APOL1: variants seen among roughly 807,000 people sequenced by gnomAD.
APOL1 encodes apolipoprotein L 1.
APOL1 carries 17 observed loss-of-function variants against 14.9 expected under a neutral mutation model. The observed-to-expected ratio is 1.14, with a 90% CI of 0.78 to 1.71. APOL1 has a LOEUF of 1.71. Ranked by LOEUF, APOL1 falls within the 40% of genes most tolerant of loss-of-function variation. The pLI is 0.00. For synonymous variants in APOL1, 195 were observed against 184.8 expected (o/e 1.05, Z -0.45); for missense variants, 523 against 485.9 (o/e 1.08, Z -0.72).
In APOL1 at chr22:36,257,426, C is replaced by G. The variant is rs1346312201; in HGVS notation, c.187+19C>G. ...GACCCAGGTAGGCTCACCTCCTCTT[C>G]CCTGCTGGTTCCTACTCGCACTTAG... On this transcript the variant is annotated intron_variant, in intron 4 of 5. Coordinates refer to ENST00000397278, the MANE Select transcript of APOL1 (RefSeq NM_003661.4). 1 of 1,606,586 alleles carries G rather than the reference C, an allele frequency of 6.2e-7. No homozygotes were observed. Among genetic ancestry groups the G allele is most frequent in the Non-Finnish European group, 8.5e-7 (1 of 1,173,348 alleles).
chr22:36,265,678 A>G lies in APOL1; in HGVS notation c.842A>G (p.Lys281Arg). ...TACCAACTCACACGAGGCATTGGGA[A>G]GGACATCCGTGCCCTCAGACGAGCC... ...NTYQLTRGIG[K>R]DIRALRRARA... Residue 281 changes from lysine (K) to arginine (R), a missense_variant, in exon 6 of 6, where the codon AAG (lysine) becomes AGG (arginine). Transcript: ENST00000397278. The G allele has an allele frequency of 3.1e-6, 5 of 1,605,302 alleles. No homozygotes were observed. The highest frequency in any genetic ancestry group is 4.3e-6 in the Non-Finnish European group (5 of 1,175,042).
At chr22:36,257,959 G>T (rs2015946378) in intron 4 of APOL1, among the ~76,000 whole-genome samples, 2 of 152,200 alleles carry the variant, frequency 1.3e-5, no homozygotes, top group South Asian at 4.1e-4. Flanking sequence ...CATCCCCTCT[G>T]TGTGACCTGG....
At position 36,266,567 on chromosome 22, in the gene APOL1, G is replaced by A. The variant is rs2016267953; in HGVS notation, c.*534G>A. 7.5e-6 allele frequency: 3 copies of A among 399,224 alleles called. No individual in the cohort carries two copies. Among genetic ancestry groups the A allele is most frequent in the East Asian group, 3.6e-5 (1 of 28,102 alleles). 24.7% of individuals were successfully genotyped at this position (399,224 alleles called of 1,614,324 possible). On this transcript the variant is annotated 3_prime_UTR_variant, in exon 6 of 6. Transcript: ENST00000397278. Reference sequence around the variant, plus strand: ...CTGCAATAAGGGAAAAATGGGAACTGGAGAGTGTGGGGAATGGGAAGAAGC... The same window carrying A: ...CTGCAATAAGGGAAAAATGGGAACTAGAGAGTGTGGGGAATGGGAAGAAGC...
At chr22:36,259,898 A>G in intron 4 of APOL1, 1 of 1,301,516 alleles carries the variant, frequency 7.7e-7, no homozygotes, top group Non-Finnish European at 1.0e-6. Flanking sequence ...CATTATTTTT[A>G]AACTTTAAAT....
At chr22:36,255,330 C>T (rs989400543) in intron 2 of APOL1, among the ~76,000 whole-genome samples, 6 of 152,284 alleles carry the variant, frequency 3.9e-5, no homozygotes, top group South Asian at 2.1e-4. Flanking sequence ...CCCTCCTGCT[C>T]CTCTGCTCTC....
intron 1 of APOL1, chr22:36,253,883 T>C (rs1338818333): frequency 1.3e-6 from 2 of 1,555,128 alleles, no homozygotes; most frequent in Non-Finnish European, 1.8e-6. Context: ...GTGTCCCTAA[T>C]GGGAAACGTG....
chr22:36,265,266 T>A lies in APOL1; in HGVS notation c.430T>A (p.Phe144Ile). ...GTACAGAAACTGGTTTCTGAAAGAGTTTCCTCGGTTGAAAAGTGAGCTTGA... is the reference window on the plus strand; with the variant it reads ...GTACAGAAACTGGTTTCTGAAAGAGATTCCTCGGTTGAAAAGTGAGCTTGA... ...QQYRNWFLKE[F>I]PRLKSELEDN... The change falls in exon 6 of 6, where the codon TTT becomes ATT. Residue 144 changes from phenylalanine (F) to isoleucine (I), a missense_variant. By Grantham distance (21) the Phe-to-Ile change is conservative. Coordinates refer to ENST00000397278, the MANE Select transcript of APOL1 (RefSeq NM_003661.4). The A allele has an allele frequency of 1.2e-6, 2 of 1,613,994 alleles. No individual in the cohort carries two copies. Among genetic ancestry groups the A allele is most frequent in the Non-Finnish European group, 1.7e-6 (2 of 1,180,004 alleles).
At chr22:36,260,349 C>T (rs566875026) in intron 4 of APOL1, among the ~76,000 whole-genome samples, 1 of 152,216 alleles carries the variant, frequency 6.6e-6, no homozygotes, top group African/African-American at 2.4e-5. Context: ...GAGCCAAGAT[C>T]GCACCACTGC....
Position 36,266,032 on chromosome 22 carries a change from G to C in APOL1, c.1196G>C (p.Ter399SerextTer26). ...ATTCTGCAGGCGGACCAAGAACTGT[G>C]ACCACAGGGCAGGGCAGCCACCAGG... ...YKILQADQEL[*>S] Residue 399 changes from the stop codon to serine, a stop_lost, in exon 6 of 6, where the codon TGA (stop) becomes TCA (serine). Coordinates refer to ENST00000397278, the MANE Select transcript of APOL1 (RefSeq NM_003661.4). 1 of 1,601,508 alleles carries C rather than the reference G, an allele frequency of 6.2e-7. No individual in the cohort carries two copies. Among genetic ancestry groups the C allele is most frequent in the Non-Finnish European group, 8.5e-7 (1 of 1,173,416 alleles).
At chr22:36,259,995 A>G (rs1241456055) in intron 4 of APOL1, 2 of 1,127,522 alleles carry the variant, frequency 1.8e-6, no homozygotes, top group African/African-American at 1.6e-5. Flanking sequence ...GAGTTTAAGG[A>G]GAATGTCAAA....
rs768995250 is a variant in APOL1, at chr22:36,265,515, A to T, written c.679A>T (p.Thr227Ser). ...CGCTTTGACCGGGATTACCAGCAGTACCATGGACTACGGAAAGAAGTGGTG... is the reference window on the plus strand; with the variant it reads ...CGCTTTGACCGGGATTACCAGCAGTTCCATGGACTACGGAAAGAAGTGGTG... The part of the protein sequence containing the change: ...TAALTGITSS[T>S]MDYGKKWWTQ... Residue 227 changes from threonine to serine, a missense_variant, in exon 6 of 6, where the codon ACC becomes TCC. Thr to Ser is a moderately conservative substitution (Grantham distance 58, BLOSUM62 1). Transcript: ENST00000397278. 1.7e-5 allele frequency: 28 copies of T among 1,612,868 alleles called. No homozygotes were observed. The East Asian group carries it at 6.2e-4, about 36-fold the overall frequency.
chr22:36,260,023 G>A (rs1368473805), intron 4 of APOL1: 1 of 981,388 alleles, frequency 1.0e-6, no homozygotes, highest in Non-Finnish European at 1.3e-6. Flanking sequence ...TGGCCTTGGA[G>A]TCAAATCCTG....
At chr22:36,262,904 T>C (rs2146307682) in intron 5 of APOL1, among the ~76,000 whole-genome samples, 1 of 152,352 alleles carries the variant, frequency 6.6e-6, no homozygotes, top group South Asian at 2.1e-4. Context: ...ATTTGTGTAA[T>C]TTCAGGGATA....
Position 36,257,186 on chromosome 22 carries a change from A to G in APOL1, c.98+50A>G, listed in dbSNP as rs562220007. The G allele has an allele frequency of 9.9e-6, 16 of 1,612,674 alleles. No homozygotes were observed. The African/African-American group carries it at 1.6e-4, about 16-fold the overall frequency. On this transcript the variant is annotated intron_variant, in intron 3 of 5. Coordinates refer to ENST00000397278, the MANE Select transcript of APOL1 (RefSeq NM_003661.4). ...ATGGGGGCTCAGTGATAGACAAACA[A>G]TCTGGTTTAGGTTGGTCTTGGTGTT...
Position 36,265,065 on chromosome 22 carries a change from C to A in APOL1, c.315-86C>A, listed in dbSNP as rs1018469583. ...TGACCTTGTGATCCACCCGCCTTGG[C>A]CTCCCAAAGTGCTGGGATTACAGGT... On this transcript the variant is annotated intron_variant, in intron 5 of 5. Coordinates refer to ENST00000397278, the MANE Select transcript of APOL1 (RefSeq NM_003661.4). 30 of 1,524,658 alleles carry A rather than the reference C, an allele frequency of 2.0e-5. 1 individual carries two copies. In the Middle Eastern group the frequency reaches 8.8e-4, roughly 45 times the overall value. The allele number at this position is 1,524,658 out of a possible 1,614,324, so 94.4% of individuals were successfully genotyped here. A position where few individuals can be genotyped will look rare whatever the true frequency, so the allele number is the denominator to read the frequency against.
chr22:36,255,261 G>C (rs1346832440), intron 2 of APOL1, among the ~76,000 whole-genome samples: 1 of 152,230 alleles, frequency 6.6e-6, no homozygotes, highest in Non-Finnish European at 1.5e-5. Flanking sequence ...AAGGAGGATG[G>C]GATCCAGGGT....
At position 36,261,428 on chromosome 22, in the gene APOL1, A is replaced by C. The variant is rs136162; in HGVS notation, c.188-168A>C. On this transcript the variant is annotated intron_variant, in intron 4 of 5. Transcript: ENST00000397278. ...AGTCACCTGAGTTTAAAGCTTCAGC[A>C]TATGAATTTTGGGGGCACACAATTC... 5.6e-3 allele frequency among the ~76,000 whole-genome samples: 852 copies of C among 152,148 alleles called. 10 individuals carry two copies. Among genetic ancestry groups the C allele is most frequent in the African/African-American group, 0.02 (813 of 41,534 alleles).
chr22:36,254,167 C>T (rs970677449), intron 1 of APOL1, among the ~76,000 whole-genome samples: 3 of 152,134 alleles, frequency 2.0e-5, no homozygotes, highest in Non-Finnish European at 4.4e-5. Flanking sequence ...GGAAATTCAC[C>T]TCCCCTCCCA....
In APOL1 at chr22:36,259,690, A is replaced by C. The variant is rs552253890; in HGVS notation, c.188-1906A>C. ...ACAGGCCCAGCTGGGTCCAGAGGTG[A>C]CAGTGGAGAGCCGTGTACCCTGAGA... On this transcript the variant is annotated intron_variant, in intron 4 of 5. Coordinates refer to ENST00000397278, the MANE Select transcript of APOL1 (RefSeq NM_003661.4). The C allele has an allele frequency of 1.6e-4, 207 of 1,303,522 alleles. 2 individuals are homozygous for C. The South Asian group carries it at 2.4e-3, about 15-fold the overall frequency. The allele number at this position is 1,303,522 out of a possible 1,614,324, so 80.7% of individuals were successfully genotyped here.
Sources: allele counts gnomAD v4.1 joint callset (sites outside exome capture counted in the v4.1 genomes callset), GRCh38; gene constraint gnomAD v4.1.1; transcripts MANE v1.5; gene names NCBI Gene and HGNC (gene_info 2026-07-23, HGNC 2026-07-21).